PAPPA2: variants seen among roughly 807,000 people sequenced by gnomAD.
PAPPA2 encodes the protein pappalysin 2.
In PAPPA2, 86 loss-of-function variants were observed where a neutral mutation model predicts 176.4. That is an observed-to-expected ratio of 0.49 (90% CI 0.41 to 0.58). PAPPA2 has a LOEUF of 0.58. Ranked by LOEUF, PAPPA2 falls within the 20% of genes least tolerant of loss-of-function variation. PAPPA2 has a pLI of 0.00. For synonymous variants in PAPPA2, 809 were observed against 852.2 expected, an observed-to-expected ratio of 0.95 and a Z score of 0.88; for missense variants, 2,073 against 2,256.9, an observed-to-expected ratio of 0.92 and a Z score of 1.65.
intron 2 of PAPPA2, among the ~76,000 whole-genome samples, chr1:176,572,503 G>C (rs887939481): frequency 2.6e-5 from 4 of 152,142 alleles, no homozygotes; most frequent in Admixed American, 1.3e-4. Context: ...TGAGCCTTTA[G>C]GTTCTGATTG....
chr1:176,651,404 C>T (rs1657716838), intron 3 of PAPPA2, among the ~76,000 whole-genome samples: 2 of 151,474 alleles, frequency 1.3e-5, no homozygotes, highest in South Asian at 4.1e-4. Flanking sequence ...AGACAATATA[C>T]TTGAATGGCA....
At position 176,643,143 on chromosome 1, in the gene PAPPA2, A is replaced by G. The variant is rs1224600561; in HGVS notation, c.1992-27827A>G. On this transcript the variant is annotated intron_variant, in intron 3 of 22. Transcript: ENST00000367662. ...TTATATAGCATGCCATTTTATCTTC[A>G]CATCAACCAGGAGAGTTAATTATTA... 3.9e-5 allele frequency among the ~76,000 whole-genome samples: 6 copies of G among 152,058 alleles called. No individual in the cohort carries two copies. In the South Asian group the frequency reaches 1.2e-3, roughly 31 times the overall value.
At chr1:176,710,238 G>A in intron 11 of PAPPA2, 62 bp downstream of exon 11, 1 of 1,426,162 alleles carries the variant, frequency 7.0e-7, no homozygotes, top group South Asian at 1.3e-5. Context: ...CTCCCCCTAT[G>A]CTTACACTTG....
chr1:176,506,082 G>C (rs1648247258), intron 1 of PAPPA2, among the ~76,000 whole-genome samples: 2 of 152,024 alleles, frequency 1.3e-5, no homozygotes, highest in South Asian at 4.2e-4. Context: ...AGTTATCCCA[G>C]CACCATTTAT....
chr1:176,634,807 T>G (rs538759820), intron 3 of PAPPA2, among the ~76,000 whole-genome samples: 1,369 of 124,472 alleles, frequency 0.011, 16 homozygotes, highest in Middle Eastern at 0.026. Context: ...GAGAGATAGA[T>G]AGATAGATAG....
intron 1 of PAPPA2, among the ~76,000 whole-genome samples, chr1:176,512,221 C>CAAAA (rs58968098): frequency 9.5e-6 from 1 of 105,736 alleles, no homozygotes; most frequent in African/African-American, 3.6e-5. Context: ...ACTAAATTTG[C>CAAAA]AAAAAAAAAA....
intron 14 of PAPPA2, among the ~76,000 whole-genome samples, chr1:176,754,816 GCAGATGCTGTAGA>G: frequency 6.6e-6 from 1 of 152,332 alleles, no homozygotes; most frequent in South Asian, 2.1e-4. Flanking sequence ...TGCCAAGGAG[GCAGATGCTGTAGA>G]CAGATTTGAC....
intron 17 of PAPPA2, among the ~76,000 whole-genome samples, chr1:176,781,365 C>CTTTTTT (rs35029858): frequency 0.012 from 565 of 46,280 alleles, 34 homozygotes; most frequent in East Asian, 0.032. Flanking sequence ...TTGTAAGGGG[C>CTTTTTT]TTTTTTTTTT....
chr1:176,685,585 C>T (rs1387652715), intron 4 of PAPPA2, among the ~76,000 whole-genome samples: 2 of 152,128 alleles, frequency 1.3e-5, no homozygotes, highest in Non-Finnish European at 2.9e-5. Flanking sequence ...AGTAGCATTT[C>T]TTATTATTGT....
chr1:176,636,569 G>A (rs1008292248), intron 3 of PAPPA2, among the ~76,000 whole-genome samples: 3 of 152,102 alleles, frequency 2.0e-5, no homozygotes, highest in Admixed American at 2.0e-4. Flanking sequence ...ATTTGGGATT[G>A]CTGACTCAAA....
At chr1:176,838,372 C>T (rs575123656) in intron 21 of PAPPA2, among the ~76,000 whole-genome samples, 118 of 152,202 alleles carry the variant, frequency 7.8e-4, no homozygotes, top group Non-Finnish European at 1.3e-3. Flanking sequence ...TTGGGTGCTC[C>T]TTCGATTTTT....
intron 12 of PAPPA2, among the ~76,000 whole-genome samples, chr1:176,720,237 A>G (rs1372473748): frequency 3.3e-5 from 5 of 152,156 alleles, no homozygotes; most frequent in Non-Finnish European, 7.4e-5. Flanking sequence ...AAAGCCCTCT[A>G]GCAATACTTC....
intron 1 of PAPPA2, among the ~76,000 whole-genome samples, chr1:176,537,663 C>A (rs954194769): frequency 2.0e-5 from 3 of 151,394 alleles, no homozygotes; most frequent in Non-Finnish European, 4.4e-5. Flanking sequence ...AGTCTTTTGA[C>A]TTTTGGCTGA....
rs560160220 is a variant in PAPPA2, at chr1:176,693,012, T to C, written c.2624+694T>C. On this transcript the variant is annotated intron_variant, in intron 6 of 22. Transcript: ENST00000367662. ...CCTAAAACTAACTTTCATTTGTCCT[T>C]TGCATATTGGTTTGAAAGAATAACA... is the stretch of plus-strand genomic sequence containing the variant. 7.9e-5 allele frequency among the ~76,000 whole-genome samples: 12 copies of C among 152,328 alleles called. No individual in the cohort carries two copies. The East Asian group carries it at 2.3e-3, about 29-fold the overall frequency.
intron 3 of PAPPA2, among the ~76,000 whole-genome samples, chr1:176,650,860 T>G (rs963688773): frequency 2.0e-5 from 3 of 151,726 alleles, no homozygotes; most frequent in African/African-American, 7.3e-5. Flanking sequence ...GTAATTTTCC[T>G]AGATCTATTA....
chr1:176,527,696 CT>C (rs1371866963), intron 1 of PAPPA2, among the ~76,000 whole-genome samples: 1 of 152,228 alleles, frequency 6.6e-6, no homozygotes, highest in East Asian at 1.9e-4. Context: ...TTCTAGACCC[CT>C]GTGTCCCTAG....
intron 7 of PAPPA2, among the ~76,000 whole-genome samples, chr1:176,696,814 A>C (rs1246759819): frequency 6.6e-6 from 1 of 152,212 alleles, no homozygotes; most frequent in East Asian, 1.9e-4. Context: ...CACGAAAAAA[A>C]AGGAGAATAT....
At chr1:176,466,705 G>T (rs1651634798) in intron 1 of PAPPA2, among the ~76,000 whole-genome samples, 2 of 152,140 alleles carry the variant, frequency 1.3e-5, no homozygotes, top group African/African-American at 4.8e-5. Flanking sequence ...AATGTGGTTT[G>T]CCATGGGCTA....
chr1:176,500,082 C>T (rs1647867540), intron 1 of PAPPA2, among the ~76,000 whole-genome samples: 1 of 151,156 alleles, frequency 6.6e-6, no homozygotes. Flanking sequence ...GTACTCAAAT[C>T]AAAGGAGAGG....
Sources: gnomAD v4.1 joint callset for allele counts (sites outside exome capture counted in the v4.1 genomes callset) on GRCh38, gnomAD v4.1.1 for gene constraint, MANE v1.5 for transcripts, NCBI Gene and HGNC (gene_info 2026-07-23, HGNC 2026-07-21) for gene names.